SAMD4B: variants seen among roughly 807,000 people sequenced by gnomAD.
SAMD4B encodes sterile alpha motif domain containing 4B.
A neutral mutation model predicts 74.5 loss-of-function variants in SAMD4B; 5 were observed. The ratio of observed to expected loss-of-function variants is 0.07; its 90% CI spans 0.04 to 0.14. The LOEUF is 0.14. Ranked by LOEUF, SAMD4B falls within the 10% of genes least tolerant of loss-of-function variation. The pLI, the probability that SAMD4B is intolerant of heterozygous loss-of-function variation, is 1.00. For synonymous variants in SAMD4B, 373 were observed against 374.9 expected (o/e 1.00, Z 0.06); for missense variants, 608 against 921.8 (o/e 0.66, Z 4.41).
chr19:39,388,547 G>A (rs372372331), downstream of SAMD4B: 10 of 1,613,338 alleles, frequency 6.2e-6, no homozygotes, highest in African/African-American at 8.0e-5. Flanking sequence ...AAACTTAACC[G>A]CAACCCACGC....
At chr19:39,368,308 C>G (rs776172186) in intron 3 of SAMD4B, among the ~76,000 whole-genome samples, 47 of 152,196 alleles carry the variant, frequency 3.1e-4, no homozygotes, top group Admixed American at 7.2e-4. Flanking sequence ...ATGACCATGA[C>G]ATGGAACAGC....
At chr19:39,389,164 C>T, downstream of SAMD4B, 1 of 1,614,164 alleles carries the variant, frequency 6.2e-7, no homozygotes. This position sits in a 1 kb window ranked among gnomAD's most constrained non-coding sequence, Gnocchi z 5.3. Context: ...TATATTTCTT[C>T]CTCGGTAAAC....
intron 3 of SAMD4B, among the ~76,000 whole-genome samples, chr19:39,368,277 G>T (rs1365547313): frequency 2.0e-5 from 3 of 152,178 alleles, no homozygotes; most frequent in Admixed American, 6.5e-5. Flanking sequence ...TCACACAGTG[G>T]GATAGAAAGG....
Position 39,376,344 on chromosome 19 carries a change from G to T in SAMD4B, c.908-93G>T. 1.3e-5 allele frequency: 13 copies of T among 1,015,044 alleles called. No homozygotes were observed. In the Admixed American group the frequency reaches 1.4e-4, roughly 11 times the overall value. The allele number at this position is 1,015,044 out of a possible 1,614,324, so 62.9% of individuals were successfully genotyped here. On this transcript the variant is annotated intron_variant, in intron 5 of 13. Transcript: ENST00000610417. ...CCCCTCCCAATTTTTTGCATCTTTT[G>T]AGGCTTCCTGTGGGTTTATCCCCAC...
intron 1 of SAMD4B, among the ~76,000 whole-genome samples, chr19:39,353,511 A>C (rs970620402): frequency 6.6e-6 from 1 of 152,162 alleles, no homozygotes; most frequent in South Asian, 2.1e-4. Flanking sequence ...AATTTAAAAA[A>C]TGGCATTATA....
chr19:39,346,681 A>G (rs1039589896), intron 1 of SAMD4B, among the ~76,000 whole-genome samples: 1 of 152,142 alleles, frequency 6.6e-6, no homozygotes, highest in Non-Finnish European at 1.5e-5. Flanking sequence ...CCATTCCAAG[A>G]TGGTAGTGCC....
chr19:39,376,107 T>C (rs979291310), intron 5 of SAMD4B, among the ~76,000 whole-genome samples: 1 of 152,070 alleles, frequency 6.6e-6, no homozygotes, highest in African/African-American at 2.4e-5. Flanking sequence ...GCCCCCTGTC[T>C]TCACACACCC....
At chr19:39,377,926 G>A (rs2077702146) in intron 8 of SAMD4B, 102 bp downstream of exon 8, 4 of 1,157,000 alleles carry the variant, frequency 3.5e-6, no homozygotes, top group African/African-American at 1.5e-5. Flanking sequence ...GCAGGGCTTT[G>A]TAAAGCCTAC....
chr19:39,362,820 C>T (rs2076733179), intron 3 of SAMD4B, among the ~76,000 whole-genome samples: 1 of 152,040 alleles, frequency 6.6e-6, no homozygotes, highest in Admixed American at 6.6e-5. Flanking sequence ...CCATATCTAG[C>T]AGGTTTAAAC....
Position 39,383,205 on chromosome 19 carries a change from C to T in SAMD4B, c.1973-3C>T. On this transcript the variant is annotated splice_polypyrimidine_tract_variant and splice_region_variant and intron_variant, in intron 12 of 13. Transcript: ENST00000610417. The surrounding 1 kb of genome is among the most constrained non-coding windows in gnomAD (Gnocchi z 4.1). ...CACCCCCATTCTCCTCTCTCCCACC[C>T]AGACTGCCCGGTTCCTGGGCCTGAC... 6.2e-7 allele frequency: 1 copy of T among 1,614,080 alleles called. No individual in the cohort carries two copies. The highest frequency in any genetic ancestry group is 8.5e-7 in the Non-Finnish European group (1 of 1,179,922).
intron 7 of SAMD4B, 97 bp from the exon 8 acceptor site, chr19:39,377,388 C>G: frequency 2.8e-6 from 3 of 1,083,074 alleles, no homozygotes; most frequent in Non-Finnish European, 4.0e-6. Context: ...GGGTCCTACC[C>G]AGCCTTCTGC....
At chr19:39,379,926 C>T in intron 9 of SAMD4B, 40 bp from the exon 10 acceptor site, 1 of 1,509,872 alleles carries the variant, frequency 6.6e-7, no homozygotes, top group Non-Finnish European at 9.2e-7. Context: ...CTGAAGGAAG[C>T]ATCACCCTCT....
chr19:39,342,874 C>A (rs1225602497), intron 1 of SAMD4B, among the ~76,000 whole-genome samples: 2 of 150,986 alleles, frequency 1.3e-5, no homozygotes, highest in Non-Finnish European at 3.0e-5. Context: ...ACCCCCCGCA[C>A]ATCCCCCTCG....
At chr19:39,374,927 A>G (rs1310824783) in intron 4 of SAMD4B, among the ~76,000 whole-genome samples, 1 of 152,130 alleles carries the variant, frequency 6.6e-6, no homozygotes, top group Non-Finnish European at 1.5e-5. Context: ...CAAGACAGTA[A>G]TGTGATAGAG....
At chr19:39,389,210 G>C, downstream of SAMD4B, 1 of 1,613,140 alleles carries the variant, frequency 6.2e-7, no homozygotes, top group South Asian at 1.1e-5. The surrounding 1 kb of genome is among the most constrained non-coding windows in gnomAD (Gnocchi z 5.3). Flanking sequence ...TAGGAATGAA[G>C]AAAAAGGTCC....
At chr19:39,357,164 C>G (rs1438250590) in intron 3 of SAMD4B, 75 bp downstream of exon 3, 2 of 1,346,962 alleles carry the variant, frequency 1.5e-6, no homozygotes, top group Non-Finnish European at 2.0e-6. Context: ...CTAAGAAGGT[C>G]AACCCAACAA....
intron 3 of SAMD4B, among the ~76,000 whole-genome samples, chr19:39,361,224 C>G (rs1002945506): frequency 6.6e-6 from 1 of 152,082 alleles, no homozygotes; most frequent in Non-Finnish European, 1.5e-5. Flanking sequence ...CGGGATGGAC[C>G]AGTTAGAAAA....
At position 39,371,615 on chromosome 19, in the gene SAMD4B, G is replaced by A. The variant is rs112314734; in HGVS notation, c.667+1490G>A. Among the ~76,000 whole-genome samples, 192 of 152,190 alleles carry A rather than the reference G, an allele frequency of 1.3e-3. 1 individual carries two copies. Among genetic ancestry groups the A allele is most frequent in the African/African-American group, 4.5e-3 (185 of 41,524 alleles). On this transcript the variant is annotated intron_variant, in intron 4 of 13. Transcript: ENST00000610417. ...GCAGATCACCTGAGGTCAGGAGTTCGAGACCAGCCTGACCAACATGGTGAA... is the reference window on the plus strand; with the variant it reads ...GCAGATCACCTGAGGTCAGGAGTTCAAGACCAGCCTGACCAACATGGTGAA...
At chr19:39,348,989 A>G (rs946056767) in intron 1 of SAMD4B, among the ~76,000 whole-genome samples, 2 of 152,196 alleles carry the variant, frequency 1.3e-5, no homozygotes, top group African/African-American at 2.4e-5. Context: ...AGTAGGTACT[A>G]TTATTACACC....
Sources: gnomAD v4.1 joint callset for allele counts (sites outside exome capture counted in the v4.1 genomes callset) on GRCh38, gnomAD v4.1.1 for gene constraint, Gnocchi (gnomAD v3.1) non-coding constraint, MANE v1.5 for transcripts, NCBI Gene and HGNC (gene_info 2026-07-23, HGNC 2026-07-21) for gene names.